Variants in ROBO1 observed in about 807,000 individuals in gnomAD.
ROBO1 encodes roundabout guidance receptor 1, also known as roundabout homolog 1.
In ROBO1, 149 loss-of-function variants were observed where a neutral mutation model predicts 195.9. That is an observed-to-expected ratio of 0.76 (90% confidence interval 0.67 to 0.87). The LOEUF (loss-of-function observed/expected upper bound fraction) is 0.87, where lower values mean the gene tolerates loss of function less well. ROBO1 is among the 40% of genes least tolerant of loss of function. The pLI is 0.00. For missense variants in ROBO1, 1,933 were observed against 2,068.3 expected (o/e 0.93, Z 1.27); for synonymous variants, 816 against 733.2 (o/e 1.11, Z -1.82).
At chr3:78,803,158 T>C (rs946337565) in intron 4 of ROBO1, among the ~76,000 whole-genome samples, 1 of 152,156 alleles carries the variant, frequency 6.6e-6, no homozygotes, top group African/African-American at 2.4e-5. Flanking sequence ...ACTGGCTGTG[T>C]ATTTTTGGCA....
At chr3:79,650,156 A>C (rs77364843) in intron 1 of ROBO1, among the ~76,000 whole-genome samples, 1 of 152,000 alleles carries the variant, frequency 6.6e-6, no homozygotes, top group African/African-American at 2.4e-5. Flanking sequence ...AGATTCTCTG[A>C]AAAGTCCAAT....
At chr3:78,664,902 A>T (rs1401299626) in intron 14 of ROBO1, among the ~76,000 whole-genome samples, 3 of 152,156 alleles carry the variant, frequency 2.0e-5, no homozygotes. Context: ...CCTCAAATGA[A>T]GTCCAAGAAT....
intron 2 of ROBO1, among the ~76,000 whole-genome samples, chr3:79,181,269 C>T (rs983268781): frequency 2.0e-5 from 3 of 152,158 alleles, no homozygotes; most frequent in East Asian, 3.9e-4. Context: ...TCCTCATGTA[C>T]TACTAGATGG....
intron 2 of ROBO1, among the ~76,000 whole-genome samples, chr3:79,257,339 T>A (rs1351088822): frequency 1.3e-5 from 2 of 152,174 alleles, no homozygotes; most frequent in African/African-American, 4.8e-5. Flanking sequence ...CCCTTCTCAC[T>A]TGCTAAAAAT....
intron 2 of ROBO1, among the ~76,000 whole-genome samples, chr3:79,582,607 C>T (rs1235726762): frequency 7.2e-5 from 11 of 151,858 alleles, no homozygotes; most frequent in Non-Finnish European, 1.2e-4. Flanking sequence ...ACTGAATTTA[C>T]CACTTTTCTA....
At chr3:78,647,830 G>A (rs563398070) in intron 19 of ROBO1, among the ~76,000 whole-genome samples, 175 bp from the exon 20 acceptor site, 5 of 152,032 alleles carry the variant, frequency 3.3e-5, no homozygotes, top group African/African-American at 1.2e-4. Context: ...AAAAAAAGAA[G>A]CTTGTCTCTA....
intron 2 of ROBO1, among the ~76,000 whole-genome samples, chr3:79,155,837 T>G (rs915251939): frequency 6.6e-6 from 1 of 151,788 alleles, no homozygotes; most frequent in Non-Finnish European, 1.5e-5. Context: ...AAAAATAATT[T>G]ACTTTAAAGC....
chr3:78,902,231 T>A (rs2107478854), intron 4 of ROBO1, among the ~76,000 whole-genome samples: 1 of 152,282 alleles, frequency 6.6e-6, no homozygotes, highest in South Asian at 2.1e-4. Flanking sequence ...ATGCTTATAT[T>A]TTTAGTATGT....
intron 4 of ROBO1, among the ~76,000 whole-genome samples, chr3:78,867,356 A>C (rs2107094237): frequency 6.6e-6 from 1 of 152,318 alleles, no homozygotes; most frequent in Admixed American, 6.5e-5. Context: ...TAGCAGTCTA[A>C]GAATACAGGA....
At chr3:78,638,706 AC>A (rs1705714033) in intron 22 of ROBO1, among the ~76,000 whole-genome samples, 1 of 151,684 alleles carries the variant, frequency 6.6e-6, no homozygotes, top group Non-Finnish European at 1.5e-5. Context: ...CTGCATCTCT[AC>A]AAAAAAAATT....
At chr3:79,624,043 C>T (rs2107991443) in intron 1 of ROBO1, among the ~76,000 whole-genome samples, 1 of 152,256 alleles carries the variant, frequency 6.6e-6, no homozygotes, top group African/African-American at 2.4e-5. Context: ...GGCCAATATT[C>T]AACATTCTTA....
chr3:79,582,549 G>C (rs115379684), intron 2 of ROBO1, among the ~76,000 whole-genome samples: 1,860 of 152,072 alleles, frequency 0.012, 31 homozygotes, highest in Middle Eastern at 0.051. Flanking sequence ...ACTTGCAACA[G>C]TCAGTTTTAA....
At chr3:79,329,055 G>T (rs1189440423) in intron 2 of ROBO1, among the ~76,000 whole-genome samples, 3 of 152,178 alleles carry the variant, frequency 2.0e-5, no homozygotes, top group African/African-American at 7.2e-5. Context: ...TAATTTTACA[G>T]ATTTTGGAGG....
intron 3 of ROBO1, among the ~76,000 whole-genome samples, chr3:79,023,004 A>T (rs915223007): frequency 6.6e-6 from 1 of 152,212 alleles, no homozygotes; most frequent in East Asian, 1.9e-4. Context: ...GGGATTGCAG[A>T]TACCACTTAC....
At chr3:78,779,511 C>T (rs1469436418) in intron 4 of ROBO1, among the ~76,000 whole-genome samples, 1 of 152,186 alleles carries the variant, frequency 6.6e-6, no homozygotes, top group East Asian at 1.9e-4. Flanking sequence ...AAAAAAAGCT[C>T]ACCATCACTG....
At chr3:79,259,180 C>T (rs951081742) in intron 2 of ROBO1, among the ~76,000 whole-genome samples, 1 of 151,896 alleles carries the variant, frequency 6.6e-6, no homozygotes, top group African/African-American at 2.4e-5. Context: ...GGTATTATTC[C>T]TTCACCTGGG....
intron 2 of ROBO1, among the ~76,000 whole-genome samples, chr3:79,412,853 A>G (rs2037830974): frequency 1.3e-5 from 1 of 75,006 alleles, no homozygotes; most frequent in Non-Finnish European, 2.6e-5. Flanking sequence ...CTGGAGAATG[A>G]TTTTATTGCC....
At chr3:79,518,537 A>G (rs1941052217) in intron 2 of ROBO1, among the ~76,000 whole-genome samples, 1 of 152,166 alleles carries the variant, frequency 6.6e-6, no homozygotes, top group Non-Finnish European at 1.5e-5. Context: ...TGTCCGTGAA[A>G]CAACAGTAAG....
At chr3:79,205,645 T>C (rs2081853879) in intron 2 of ROBO1, among the ~76,000 whole-genome samples, 1 of 152,174 alleles carries the variant, frequency 6.6e-6, no homozygotes, top group African/African-American at 2.4e-5. Context: ...TGCTCAGAAG[T>C]GGAGTTTATG....
Sources: allele counts gnomAD v4.1 joint callset (sites outside exome capture counted in the v4.1 genomes callset), GRCh38; gene constraint gnomAD v4.1.1; transcripts MANE v1.5; gene names NCBI Gene and HGNC (gene_info 2026-07-23, HGNC 2026-07-21).